The following TBC1D31 variants were observed in gnomAD, a reference collection of about 807,000 sequenced individuals.
TBC1D31 encodes TBC1 domain family member 31, also known as WD repeat domain 67.
In TBC1D31, 99 loss-of-function variants were observed where a neutral mutation model predicts 132.9. The observed-to-expected ratio is 0.74, with a 90% CI of 0.63 to 0.88. TBC1D31 has a LOEUF of 0.88. Ranked by LOEUF, TBC1D31 falls within the 40% of genes least tolerant of loss-of-function variation. The pLI is 0.00. For missense variants in TBC1D31, 1,134 were observed against 1,256.6 expected (o/e 0.90, Z 1.48); for synonymous variants, 385 against 419.4 (o/e 0.92, Z 1.00).
intron 21 of TBC1D31, among the ~76,000 whole-genome samples, chr8:123,151,281 A>T (rs1442007061): frequency 6.6e-6 from 1 of 152,230 alleles, no homozygotes; most frequent in Non-Finnish European, 1.5e-5. Context: ...TTTAAAAAAA[A>T]TTTCAGTGTT....
At chr8:123,157,305 C>T in the TBC1D31 span, among the ~76,000 whole-genome samples, 8 of 152,266 alleles carry the variant, frequency 5.3e-5, 1 homozygote, top group East Asian at 3.9e-4. Flanking sequence ...AACGAGGCAC[C>T]TAGTAAGGGT....
At chr8:123,157,306 T>C in the TBC1D31 span, among the ~76,000 whole-genome samples, 4 of 152,184 alleles carry the variant, frequency 2.6e-5, no homozygotes, top group Non-Finnish European at 5.9e-5. Flanking sequence ...ACGAGGCACC[T>C]AGTAAGGGTT....
At chr8:123,128,598 T>C in intron 14 of TBC1D31, 85 bp downstream of exon 14, 2 of 1,108,918 alleles carry the variant, frequency 1.8e-6, no homozygotes, top group Non-Finnish European at 2.6e-6. Flanking sequence ...TACATTTGGC[T>C]GAGCGCGGTG....
chr8:123,100,832 G>C lies in TBC1D31; in HGVS notation c.857G>C (p.Gly286Ala), dbSNP rs1351375016. ...GTTCTTGGAGTACTAAGTCAAGATG[G>C]TATTATGAGATTTATCAATATGCAG... ...NQVLGVLSQD[G>A]IMRFINMQTC... Residue 286 changes from glycine to alanine, a missense_variant, in exon 7 of 22, where the codon GGT (glycine) becomes GCT (alanine). Coordinates refer to ENST00000287380, the MANE Select transcript of TBC1D31 (RefSeq NM_145647.4). 1 of 1,613,570 alleles carries C rather than the reference G, an allele frequency of 6.2e-7. No homozygotes were observed. Among genetic ancestry groups the C allele is most frequent in the Non-Finnish European group, 8.5e-7 (1 of 1,179,682 alleles).
intron 8 of TBC1D31, among the ~76,000 whole-genome samples, chr8:123,105,909 G>T (rs977507335): frequency 6.6e-6 from 1 of 152,010 alleles, no homozygotes; most frequent in Non-Finnish European, 1.5e-5. Context: ...TCAGCTTATT[G>T]CTCCACGCTC....
chr8:123,145,242 A>C (rs1822081362), intron 20 of TBC1D31, among the ~76,000 whole-genome samples: 1 of 152,156 alleles, frequency 6.6e-6, no homozygotes. Context: ...AATTATTGGG[A>C]TGTATTTTGG....
At position 123,105,386 on chromosome 8, in the gene TBC1D31, G is replaced by C. The variant is rs756567957; in HGVS notation, c.1131G>C (p.Gln377His). The change falls in exon 8 of 22, where the codon CAG becomes CAC. Residue 377 changes from glutamine (Q) to histidine (H), a missense_variant. Gln to His is a conservative substitution (Grantham distance 24). Transcript: ENST00000287380. ...AAGTAACATCAGGGAGAGTACAGCA[G>C]CCAGCAAAATCTAGGGAAAGCAAAA... ...KMKVTSGRVQ[Q>H]PAKSRESKMQ... 1.5e-5 allele frequency: 25 copies of C among 1,613,394 alleles called. No homozygotes were observed. Among genetic ancestry groups the C allele is most frequent in the Non-Finnish European group, 2.0e-5 (24 of 1,179,686 alleles).
rs1781345800 is a variant in TBC1D31, at chr8:123,109,233, A to C, written c.1210-84A>C. The C allele has an allele frequency of 5.4e-6, 5 of 929,270 alleles. No individual in the cohort carries two copies. The Admixed American group carries it at 1.1e-4, about 21-fold the overall frequency. The allele number at this position is 929,270 out of a possible 1,614,324, so 57.6% of individuals were successfully genotyped here. A position where few individuals can be genotyped will look rare whatever the true frequency, so the allele number is the denominator to read the frequency against. On this transcript the variant is annotated intron_variant, in intron 8 of 21. Coordinates refer to ENST00000287380, the MANE Select transcript of TBC1D31 (RefSeq NM_145647.4). ...CTATGTGTTGTTTTCTAAAGTTGGGAAGTCACTGTGGACTAGATTACCTTT... is the reference window on the plus strand; with the variant it reads ...CTATGTGTTGTTTTCTAAAGTTGGGCAGTCACTGTGGACTAGATTACCTTT...
At chr8:123,124,855 TGAACCCGGGAG>T (rs1167791354) in intron 11 of TBC1D31, among the ~76,000 whole-genome samples, 1 of 149,156 alleles carries the variant, frequency 6.7e-6, no homozygotes, top group Non-Finnish European at 1.5e-5. Context: ...GATAATCACT[TGAACCCGGGAG>T]GCAGAGGTTG....
chr8:123,075,372 A>T lies in TBC1D31; in HGVS notation c.78-1739A>T, dbSNP rs187428008. 7.9e-4 allele frequency among the ~76,000 whole-genome samples: 121 copies of T among 152,348 alleles called. 1 individual carries two copies. The highest frequency in any genetic ancestry group is 2.9e-3 in the Admixed American group (44 of 15,304). ...CACTTAATTCAATTTAGTATACTTT[A>T]ATGAAATTATAATGAAGATAGATGT... On this transcript the variant is annotated intron_variant, in intron 1 of 21. Transcript: ENST00000287380.
At chr8:123,141,833 C>T (rs1355227306) in intron 18 of TBC1D31, among the ~76,000 whole-genome samples, 1 of 109,986 alleles carries the variant, frequency 9.1e-6, no homozygotes, top group Non-Finnish European at 1.9e-5. Context: ...ATTAGAGTCA[C>T]TTGAAGAGCT....
intron 10 of TBC1D31, among the ~76,000 whole-genome samples, chr8:123,117,140 C>T (rs1818997368): frequency 6.6e-6 from 1 of 151,958 alleles, no homozygotes; most frequent in Non-Finnish European, 1.5e-5. Context: ...CATGGTGAAA[C>T]CGTATCTCTA....
In TBC1D31 at chr8:123,100,843, T is replaced by G; in HGVS notation, c.868T>G (p.Phe290Val). 6.2e-7 allele frequency: 1 copy of G among 1,613,936 alleles called. No homozygotes were observed. The highest frequency in any genetic ancestry group is 8.5e-7 in the Non-Finnish European group (1 of 1,179,878). ...GVLSQDGIMRFINMQTCKLLF... is the reference protein window; with the variant it reads ...GVLSQDGIMRVINMQTCKLLF... Reference sequence around the variant, plus strand: ...ACTAAGTCAAGATGGTATTATGAGATTTATCAATATGCAGACTTGTAAACT... The same window carrying G: ...ACTAAGTCAAGATGGTATTATGAGAGTTATCAATATGCAGACTTGTAAACT... The change falls in exon 7 of 22, where the codon TTT becomes GTT. Residue 290 changes from phenylalanine to valine, a missense_variant. Coordinates refer to ENST00000287380, the MANE Select transcript of TBC1D31 (RefSeq NM_145647.4).
At chr8:123,156,476 G>T (rs931532073), downstream of TBC1D31, among the ~76,000 whole-genome samples, 1 of 150,840 alleles carries the variant, frequency 6.6e-6, no homozygotes, top group Non-Finnish European at 1.5e-5. Flanking sequence ...CAGGGAAATT[G>T]AAGAGACTCA....
chr8:123,099,272 A>T lies in TBC1D31; in HGVS notation c.832-1535A>T. Among the ~76,000 whole-genome samples the T allele has an allele frequency of 1.3e-5, 2 of 151,972 alleles. 1 individual carries two copies. Among genetic ancestry groups the T allele is most frequent in the Non-Finnish European group, 2.9e-5 (2 of 67,998 alleles). On this transcript the variant is annotated intron_variant, in intron 6 of 21. Coordinates refer to ENST00000287380, the MANE Select transcript of TBC1D31 (RefSeq NM_145647.4). ...GTAGCTGGGACTATAGGCGCCTGCCACCACGCCCGGCTAATTTTTTGTATT... is the reference window on the plus strand; with the variant it reads ...GTAGCTGGGACTATAGGCGCCTGCCTCCACGCCCGGCTAATTTTTTGTATT...
chr8:123,115,480 A>G (rs983497705), intron 10 of TBC1D31, among the ~76,000 whole-genome samples: 3 of 152,200 alleles, frequency 2.0e-5, no homozygotes, highest in Non-Finnish European at 4.4e-5. Context: ...TATTAACTCC[A>G]TTAACTATGT....
At position 123,119,928 on chromosome 8, in the gene TBC1D31, G is replaced by A; in HGVS notation, c.1437-127G>A. 3 of 701,088 alleles carry A rather than the reference G, an allele frequency of 4.3e-6. No homozygotes were observed. The South Asian group carries it at 6.9e-5, about 16-fold the overall frequency. The allele number at this position is 701,088 out of a possible 1,614,324, so 43.4% of individuals were successfully genotyped here. ...ACTTTTAACAATGGTTACTTCTGGA[G>A]AGGTGAACTAGATGATAGGGGTACA... On this transcript the variant is annotated intron_variant, in intron 10 of 21. Coordinates refer to ENST00000287380, the MANE Select transcript of TBC1D31 (RefSeq NM_145647.4).
At chr8:123,163,495 G>C in the TBC1D31 span, among the ~76,000 whole-genome samples, 10 of 150,780 alleles carry the variant, frequency 6.6e-5, no homozygotes, top group Non-Finnish European at 1.2e-4. Context: ...CTCCCAAGTA[G>C]CTGGGACCAC....
chr8:123,077,875 A>C (rs889311129), intron 2 of TBC1D31, among the ~76,000 whole-genome samples: 1 of 152,000 alleles, frequency 6.6e-6, no homozygotes, highest in Admixed American at 6.6e-5. Context: ...GTGGTGAAAC[A>C]CTGTCTCTAC....
Sources: gnomAD v4.1 joint callset for allele counts (sites outside exome capture counted in the v4.1 genomes callset) on GRCh38, gnomAD v4.1.1 for gene constraint, MANE v1.5 for transcripts, NCBI Gene and HGNC (gene_info 2026-07-23, HGNC 2026-07-21) for gene names.